MMP26: variants seen among roughly 807,000 people sequenced by gnomAD.
The protein encoded by MMP26 is matrix metalloproteinase-26.
A neutral mutation model predicts 31.0 loss-of-function variants in MMP26; 33 were observed. The observed-to-expected ratio is 1.06, with a 90% confidence interval of 0.81 to 1.42. MMP26 has a LOEUF of 1.42. Among genes scored for constraint, MMP26 ranks in the 40% most tolerant of loss-of-function variants. MMP26 has a pLI of 0.00. For missense variants in MMP26, 347 were observed against 316.1 expected, an observed-to-expected ratio of 1.10 and a Z score of -0.74; for synonymous variants, 122 against 114.9, an observed-to-expected ratio of 1.06 and a Z score of -0.40.
chr11:4,831,634 T>C (rs1371546853), intron 2 of MMP26, among the ~76,000 whole-genome samples: 1 of 152,158 alleles, frequency 6.6e-6, no homozygotes, highest in Non-Finnish European at 1.5e-5. Context: ...GGTAGACCAA[T>C]TCTATATATT....
At chr11:4,915,712 T>C in intron 2 of MMP26, 1 of 1,348,052 alleles carries the variant, frequency 7.4e-7, no homozygotes, top group South Asian at 1.3e-5. Context: ...AATCCTGAAG[T>C]AAATTGAGGC....
Position 4,824,843 on chromosome 11 carries a change from T to G in MMP26, c.-145+57502T>G, listed in dbSNP as rs371886119. ...CTCTAATCATGGATCAATGCCTTCA[T>G]GTCAATAAACTTTTCTCTGTTAATT... On this transcript the variant is annotated intron_variant, in intron 2 of 7. Coordinates refer to ENST00000380390, the MANE Select transcript of MMP26 (RefSeq NM_021801.5). 3.2e-4 allele frequency among the ~76,000 whole-genome samples: 48 copies of G among 152,226 alleles called. 2 individuals are homozygous for G. In the East Asian group the frequency reaches 4.1e-3, roughly 13 times the overall value.
intron 2 of MMP26, among the ~76,000 whole-genome samples, chr11:4,789,568 G>A (rs1848994954): frequency 1.1e-5 from 1 of 91,590 alleles, no homozygotes; most frequent in South Asian, 3.5e-4. Flanking sequence ...TTGAGATGGA[G>A]TCTCGCTCTG....
At chr11:4,728,977 GT>G (rs994439297) in intron 1 of MMP26, among the ~76,000 whole-genome samples, 13 of 151,298 alleles carry the variant, frequency 8.6e-5, no homozygotes, top group African/African-American at 3.2e-4. Context: ...ATTATATATG[GT>G]TTAAAAACTT....
intron 2 of MMP26, among the ~76,000 whole-genome samples, chr11:4,803,123 C>T (rs10836677): frequency 0.37 from 55,894 of 152,014 alleles, 11,346 homozygotes; most frequent in African/African-American, 0.51. Flanking sequence ...AACTTTTTTA[C>T]CTTAATCATC....
chr11:4,927,942 G>T (rs1851295714), intron 2 of MMP26, among the ~76,000 whole-genome samples: 1 of 152,054 alleles, frequency 6.6e-6, no homozygotes, highest in South Asian at 2.1e-4. Flanking sequence ...GATACTAAAT[G>T]ATACTTTCAA....
chr11:4,791,651 G>T (rs1849029912), intron 2 of MMP26, among the ~76,000 whole-genome samples: 1 of 151,982 alleles, frequency 6.6e-6, no homozygotes, highest in Admixed American at 6.6e-5. Flanking sequence ...TTTCTCTTGT[G>T]AGGTTCTTAA....
intron 1 of MMP26, among the ~76,000 whole-genome samples, chr11:4,758,204 T>C (rs1848528566): frequency 1.3e-5 from 2 of 152,118 alleles, no homozygotes; most frequent in Non-Finnish European, 2.9e-5. Context: ...TGCTACAATA[T>C]GGATGCACCT....
intron 2 of MMP26, among the ~76,000 whole-genome samples, chr11:4,804,934 C>T (rs117176418): frequency 0.13 from 19,979 of 149,330 alleles, 1,430 homozygotes; most frequent in Middle Eastern, 0.21. Flanking sequence ...CACACCACTG[C>T]ACTCCAGCCT....
chr11:4,955,815 G>GA (rs1014842901), intron 2 of MMP26: 14 of 935,346 alleles, frequency 1.5e-5, no homozygotes, highest in South Asian at 1.0e-4. Context: ...AAATTTAGTA[G>GA]AAAAAAAGCA....
intron 2 of MMP26, chr11:4,924,256 C>T: frequency 6.2e-7 from 1 of 1,614,130 alleles, no homozygotes; most frequent in Non-Finnish European, 8.5e-7. Context: ...GAATAGAGAT[C>T]CAGCCATGGA....
intron 2 of MMP26, chr11:4,875,669 C>T (rs1850369610): frequency 6.6e-6 from 1 of 152,084 alleles, no homozygotes; most frequent in South Asian, 2.1e-4. Flanking sequence ...CTAAGTACTC[C>T]TGTGATTTGA....
intron 2 of MMP26, among the ~76,000 whole-genome samples, chr11:4,786,493 C>CTT (rs66987352): frequency 1.2e-4 from 7 of 60,368 alleles, no homozygotes; most frequent in East Asian, 7.7e-4. Context: ...TCTGCTGATC[C>CTT]TTTTTTTTTT....
chr11:4,709,798 TTTCTACA>T, intron 1 of MMP26: 1 of 457,830 alleles, frequency 2.2e-6, no homozygotes, highest in Non-Finnish European at 4.4e-6. Flanking sequence ...GGTCTGTGTC[TTTCTACA>T]TTGACCACCA....
At chr11:4,908,519 T>G in intron 2 of MMP26, 1 of 575,050 alleles carries the variant, frequency 1.7e-6, no homozygotes, top group South Asian at 2.1e-5. Flanking sequence ...TTAATTAACA[T>G]TTTAAGGGAA....
At chr11:4,832,066 A>C (rs1455733138) in intron 2 of MMP26, 2 of 152,232 alleles carry the variant, frequency 1.3e-5, no homozygotes, top group South Asian at 2.1e-4. Context: ...AAGTACAATT[A>C]AAAACTTTTA....
chr11:4,725,184 A>G (rs1309383633), intron 1 of MMP26, among the ~76,000 whole-genome samples: 1 of 152,184 alleles, frequency 6.6e-6, no homozygotes, highest in African/African-American at 2.4e-5. Flanking sequence ...CTTCCTGTAG[A>G]ACCTGCAGAA....
chr11:4,887,704 C>A (rs1305761075), intron 2 of MMP26, among the ~76,000 whole-genome samples: 1 of 152,022 alleles, frequency 6.6e-6, no homozygotes, highest in Non-Finnish European at 1.5e-5. Context: ...TTTTTCAAAG[C>A]AAGTTGGGAA....
intron 2 of MMP26, among the ~76,000 whole-genome samples, chr11:4,858,575 A>T (rs1255394336): frequency 6.6e-6 from 1 of 152,206 alleles, no homozygotes. Flanking sequence ...ATAAAAGAGG[A>T]CACAAACAAA....
Sources: allele counts gnomAD v4.1 joint callset (sites outside exome capture counted in the v4.1 genomes callset), GRCh38; gene constraint gnomAD v4.1.1; transcripts MANE v1.5; gene names NCBI Gene and HGNC (gene_info 2026-07-23, HGNC 2026-07-21).